Variants in WDFY3 observed in about 807,000 individuals in gnomAD.
The protein encoded by WDFY3 is WD repeat and FYVE domain-containing protein 3.
In WDFY3, 66 loss-of-function variants were observed where a neutral mutation model predicts 409.6. The ratio of observed to expected loss-of-function variants is 0.16; its 90% confidence interval spans 0.13 to 0.20. The LOEUF is 0.20. WDFY3 is among the 10% of genes least tolerant of loss of function. WDFY3 has a pLI of 1.00. For synonymous variants in WDFY3, 1,521 were observed against 1,537.1 expected (o/e 0.99, Z 0.25); for missense variants, 3,031 against 4,298.1 (o/e 0.71, Z 8.24).
intron 21 of WDFY3, among the ~76,000 whole-genome samples, chr4:84,794,213 C>A (rs903704677): frequency 2.6e-5 from 4 of 152,152 alleles, no homozygotes; most frequent in African/African-American, 9.7e-5. Context: ...GCAGAATTCA[C>A]AGCCAATGAT....
chr4:84,928,312 T>G (rs945818568), intron 2 of WDFY3, among the ~76,000 whole-genome samples: 1 of 152,186 alleles, frequency 6.6e-6, no homozygotes, highest in Non-Finnish European at 1.5e-5. Flanking sequence ...ATTGGCTTCC[T>G]TGGTTCTGAG....
intron 2 of WDFY3, among the ~76,000 whole-genome samples, chr4:84,906,469 A>G (rs924341732): frequency 1.6e-4 from 24 of 152,190 alleles, no homozygotes; most frequent in African/African-American, 5.5e-4. Flanking sequence ...CAAAATGACT[A>G]TAGCCTCAAA....
chr4:84,880,010 T>A (rs1286576930), intron 3 of WDFY3, among the ~76,000 whole-genome samples: 1 of 152,232 alleles, frequency 6.6e-6, no homozygotes, highest in Non-Finnish European at 1.5e-5. Context: ...TGTTACATTA[T>A]GTGGCCAAAA....
intron 17 of WDFY3, among the ~76,000 whole-genome samples, chr4:84,800,400 G>A (rs1327292095): frequency 1.3e-5 from 2 of 152,142 alleles, no homozygotes; most frequent in Non-Finnish European, 2.9e-5. Context: ...CTTCCTGGAG[G>A]AAATGACAGA....
Position 84,721,513 on chromosome 4 carries a change from TCTC to T in WDFY3, c.7498_7500del (p.Glu2500del). 6.2e-7 allele frequency: 1 copy of T among 1,611,922 alleles called. No homozygotes were observed. The highest frequency in any genetic ancestry group is 1.3e-5 in the African/African-American group (1 of 75,052). On this transcript the variant is annotated inframe_deletion, in exon 47 of 68. Transcript: ENST00000295888. ...ATCTGGTCTTGTAGCTGCTCCTGGT[TCTC>T]CTCATCTCCTCCATCAGGTGCAGAT...
intron 53 of WDFY3, 77 bp from the exon 54 acceptor site, chr4:84,705,588 G>T: frequency 4.3e-6 from 5 of 1,165,364 alleles, no homozygotes; most frequent in Non-Finnish European, 6.4e-6. Context: ...AGTGGCTGTT[G>T]TGGATGATGA....
intron 53 of WDFY3, 150 bp downstream of exon 53, chr4:84,708,759 T>C (rs1732412501): frequency 1.2e-6 from 1 of 802,468 alleles, no homozygotes; most frequent in Non-Finnish European, 1.9e-6. Flanking sequence ...CTGGCTGGTC[T>C]CAAAATCCTG....
Position 84,717,017 on chromosome 4 carries a change from C to A in WDFY3, c.7755-1G>T. ...TCTAGGAATAATAGGCTCATGCATA[C>A]TACAGGCAGCCAAGAGAAAAAGCAA... On this transcript the variant is annotated splice_acceptor_variant, in intron 48 of 67. Coordinates refer to ENST00000295888, the MANE Select transcript of WDFY3 (RefSeq NM_014991.6). LOFTEE classifies it high-confidence loss of function. The A allele has an allele frequency of 6.4e-7, 1 of 1,574,398 alleles. No individual in the cohort carries two copies. Among genetic ancestry groups the A allele is most frequent in the South Asian group, 1.2e-5 (1 of 83,840 alleles).
chr4:84,830,547 C>T (rs1755562063), intron 8 of WDFY3, among the ~76,000 whole-genome samples: 1 of 152,086 alleles, frequency 6.6e-6, no homozygotes, highest in Non-Finnish European at 1.5e-5. Flanking sequence ...ATAACCCCAC[C>T]ATAAATTGAG....
At chr4:84,926,746 C>T (rs946815592) in intron 2 of WDFY3, among the ~76,000 whole-genome samples, 1 of 152,140 alleles carries the variant, frequency 6.6e-6, no homozygotes, top group Non-Finnish European at 1.5e-5. Context: ...ACTTTCAGCT[C>T]AGTATCCTGG....
chr4:84,697,303 T>C (rs539749535), intron 56 of WDFY3, among the ~76,000 whole-genome samples: 6 of 152,350 alleles, frequency 3.9e-5, no homozygotes, highest in African/African-American at 1.4e-4. Flanking sequence ...AGGTTTCTCA[T>C]ATCGCTGACT....
At chr4:84,764,600 G>A (rs952428600) in intron 32 of WDFY3, among the ~76,000 whole-genome samples, 1 of 152,048 alleles carries the variant, frequency 6.6e-6, no homozygotes, top group African/African-American at 2.4e-5. Context: ...AGTGGCTCAC[G>A]CCTGTAATCC....
In WDFY3 at chr4:84,692,798, T is replaced by C. The variant is rs561953214; in HGVS notation, c.9049+87A>G. 1,955 of 1,355,940 alleles carry C rather than the reference T, an allele frequency of 1.4e-3. 3 individuals carry two copies. The highest frequency in any genetic ancestry group is 1.8e-3 in the Non-Finnish European group (1,847 of 1,004,166). 84.0% of individuals were successfully genotyped at this position (1,355,940 alleles called of 1,614,324 possible). ...ACTTATTAAACAAATTATGCTATCGTCAAAAAGCAAATTTGTTATTGTTAA... is the reference window on the plus strand; with the variant it reads ...ACTTATTAAACAAATTATGCTATCGCCAAAAAGCAAATTTGTTATTGTTAA... On this transcript the variant is annotated intron_variant, in intron 59 of 67. Transcript: ENST00000295888.
At position 84,810,067 on chromosome 4, in the gene WDFY3, A is replaced by G. The variant is rs1752231975; in HGVS notation, c.2165T>C (p.Leu722Pro). Reference sequence around the variant, plus strand: ...TTTTCTTAGGTCTGAGAAGCAGCCAAGAAATCGAACAGCATCTGCCAACTT... The same window carrying G: ...TTTTCTTAGGTCTGAGAAGCAGCCAGGAAATCGAACAGCATCTGCCAACTT... ...YEKLADAVRFLGCFSDLRKIS... is the reference protein window; with the variant it reads ...YEKLADAVRFPGCFSDLRKIS... Residue 722 changes from leucine (L) to proline (P), a missense_variant, in exon 14 of 68, where the codon CTT (leucine) becomes CCT (proline). Coordinates refer to ENST00000295888, the MANE Select transcript of WDFY3 (RefSeq NM_014991.6). 6.2e-7 allele frequency: 1 copy of G among 1,614,098 alleles called. No homozygotes were observed. The highest frequency in any genetic ancestry group is 1.3e-5 in the African/African-American group (1 of 74,936).
Position 84,809,873 on chromosome 4 carries a change from G to A in WDFY3, c.2345+14C>T, listed in dbSNP as rs1752199715. On this transcript the variant is annotated intron_variant, in intron 14 of 67. Transcript: ENST00000295888. ...TATACACCCTTTAATTCAGAGGACA[G>A]AGCAGAGCCATACCTGTCAAAAGAA... 1.9e-6 allele frequency: 3 copies of A among 1,611,298 alleles called. No individual in the cohort carries two copies. Among genetic ancestry groups the A allele is most frequent in the African/African-American group, 1.3e-5 (1 of 74,794 alleles).
chr4:84,740,459 T>A, intron 38 of WDFY3, 43 bp from the exon 39 acceptor site: 1 of 1,585,840 alleles, frequency 6.3e-7, no homozygotes, highest in Non-Finnish European at 8.7e-7. Context: ...TAGACAAAAG[T>A]AAAACACCTG....
Position 84,696,718 on chromosome 4 carries a change from T to G in WDFY3, c.8688+14A>C, listed in dbSNP as rs752413752. 1.9e-5 allele frequency: 30 copies of G among 1,611,670 alleles called. No individual in the cohort carries two copies. The highest frequency in any genetic ancestry group is 2.4e-5 in the Non-Finnish European group (28 of 1,178,456). On this transcript the variant is annotated intron_variant, in intron 57 of 67. Transcript: ENST00000295888. ...ATGAAATTCAACTTCAATTGTAAAA[T>G]GTACTTCCATTACCTCACGATGGAC... is the stretch of plus-strand genomic sequence containing the variant.
intron 65 of WDFY3, 116 bp downstream of exon 65, chr4:84,678,803 A>AG (rs1726806024): frequency 8.6e-7 from 1 of 1,162,414 alleles, no homozygotes; most frequent in Non-Finnish European, 1.2e-6. Flanking sequence ...TGAGTGGCCC[A>AG]GCTCACGGGG....
At position 84,756,984 on chromosome 4, in the gene WDFY3, G is replaced by A; in HGVS notation, c.5366C>T (p.Pro1789Leu). ...AGGCACACTGACCTGCAGGTTCTCA[G>A]GCAGCTCACTAACTGGCTGCTGCAG... ...LFLQQPVSEL[P>L]ENLQVSVPVI... The change falls in exon 33 of 68, where the codon CCT (proline) becomes CTT (leucine). Residue 1789 changes from proline to leucine, a missense_variant. Physicochemically the swap from Pro to Leu is moderately conservative, Grantham distance 98. This residue lies in a region of WDFY3 where 342 missense variants were observed against 463.7 expected (regional missense o/e 0.74). Coordinates refer to ENST00000295888, the MANE Select transcript of WDFY3 (RefSeq NM_014991.6). 6.2e-7 allele frequency: 1 copy of A among 1,614,050 alleles called. No homozygotes were observed. The highest frequency in any genetic ancestry group is 8.5e-7 in the Non-Finnish European group (1 of 1,179,952).
Sources: allele counts gnomAD v4.1 joint callset (sites outside exome capture counted in the v4.1 genomes callset), GRCh38; gene constraint gnomAD v4.1.1; regional missense constraint gnomAD v4.1.1; transcripts MANE v1.5; gene names NCBI Gene and HGNC (gene_info 2026-07-23, HGNC 2026-07-21).